The following CTSC variants were observed in gnomAD, a reference collection of about 807,000 sequenced individuals.
The protein encoded by CTSC is cathepsin C.
Under a neutral mutation model 40.9 loss-of-function variants are expected in CTSC, and 37 were observed. That is an observed-to-expected ratio of 0.91 (90% CI 0.70 to 1.19). The LOEUF (loss-of-function observed/expected upper bound fraction) is 1.19, where lower values mean the gene tolerates loss of function less well. Ranked by LOEUF, CTSC falls within the 50% of genes most tolerant of loss-of-function variation. The probability of loss-of-function intolerance (pLI) is 0.00; values close to 1 mark genes in which losing one functional copy is unlikely to be tolerated. For synonymous variants in CTSC, 232 were observed against 207.4 expected, an observed-to-expected ratio of 1.12 and a Z score of -1.02; for missense variants, 594 against 567.3, an observed-to-expected ratio of 1.05 and a Z score of -0.48.
At chr11:88,301,059 T>C (rs925098653) in intron 4 of CTSC, among the ~76,000 whole-genome samples, 2 of 152,020 alleles carry the variant, frequency 1.3e-5, no homozygotes, top group East Asian at 1.9e-4. Flanking sequence ...GACACATTGG[T>C]AGTGAGGTGG....
chr11:88,329,460 A>C (rs1405897552), intron 2 of CTSC, among the ~76,000 whole-genome samples: 8 of 20,618 alleles, frequency 3.9e-4, no homozygotes, highest in Admixed American at 1.1e-3. Flanking sequence ...CATTTCAAAA[A>C]AAAAAAAAAA....
chr11:88,300,819 GTAAA>G (rs1268456184), intron 4 of CTSC, among the ~76,000 whole-genome samples, 174 bp from the exon 5 acceptor site: 1 of 150,476 alleles, frequency 6.6e-6, no homozygotes, highest in Non-Finnish European at 1.5e-5. Context: ...ATGGAGTTGT[GTAAA>G]TGGCTTTCAT....
chr11:88,306,485 G>A (rs1036853452), intron 4 of CTSC, among the ~76,000 whole-genome samples: 11 of 150,538 alleles, frequency 7.3e-5, no homozygotes, highest in Non-Finnish European at 1.6e-4. Context: ...ACAGATACAA[G>A]GAGCTGAACA....
Position 88,337,735 on chromosome 11 carries a change from G to GT in CTSC, c.-64dup, listed in dbSNP as rs746605625. 24 of 1,536,448 alleles carry GT rather than the reference G, an allele frequency of 1.6e-5. No homozygotes were observed. Among genetic ancestry groups the GT allele is most frequent in the Middle Eastern group, 3.3e-4 (2 of 5,972 alleles). ...GGAAGCCGAGCGCTGCGGGCTAGCG[G>GT]TGAGTCCACCACGAGGCGCGCGCCT... is the stretch of plus-strand genomic sequence containing the variant. On this transcript the variant is annotated 5_prime_UTR_variant, in exon 1 of 7. Transcript: ENST00000227266.
At chr11:88,315,168 G>C (rs184266) in intron 2 of CTSC, among the ~76,000 whole-genome samples, 42,829 of 151,794 alleles carry the variant, frequency 0.28, 7,431 homozygotes, top group East Asian at 0.56. Context: ...TCTTCTCCTT[G>C]GTTGCATGCT....
At chr11:88,299,672 A>T (rs1022644464) in intron 5 of CTSC, 1 of 152,162 alleles carries the variant, frequency 6.6e-6, no homozygotes, top group Non-Finnish European at 1.5e-5. Context: ...GGGTACTATA[A>T]ATTTATAATC....
chr11:88,298,221 T>C (rs1366502985), intron 5 of CTSC: 1 of 152,152 alleles, frequency 6.6e-6, no homozygotes, highest in African/African-American at 2.4e-5. Flanking sequence ...TCCTAATTAA[T>C]GTGACCCAGG....
intron 2 of CTSC, chr11:88,322,174 A>C (rs1938034159): frequency 6.6e-6 from 1 of 151,906 alleles, no homozygotes; most frequent in South Asian, 2.1e-4. Context: ...AGATTGAAAA[A>C]ATTTTCTCCC....
rs928307794 is a variant in CTSC at position 88,334,872 on chromosome 11, TA to T, written c.318+64del. 1.6e-4 allele frequency: 188 copies of T among 1,195,230 alleles called. 1 individual carries two copies. Among genetic ancestry groups the T allele is most frequent in the Non-Finnish European group, 2.2e-4 (176 of 800,520 alleles). The allele number at this position is 1,195,230 out of a possible 1,614,324, so 74.0% of individuals were successfully genotyped here. ...TAAAATTAAAATTCTGAGGGTCTACTAATCAGAAGAGGTTTCAGATATCAAA... is the reference window on the plus strand; with the variant it reads ...TAAAATTAAAATTCTGAGGGTCTACTATCAGAAGAGGTTTCAGATATCAAA... On this transcript the variant is annotated intron_variant, in intron 2 of 6. Transcript: ENST00000227266.
chr11:88,325,262 T>C lies in CTSC; in HGVS notation c.318+9675A>G, dbSNP rs185118910. On this transcript the variant is annotated intron_variant, in intron 2 of 6. Transcript: ENST00000227266. ...AAAGCTCTTCTACCAATTTCCAAACTACAAACTGAAGGAGAAGGTAAGTTT... is the reference window on the plus strand; with the variant it reads ...AAAGCTCTTCTACCAATTTCCAAACCACAAACTGAAGGAGAAGGTAAGTTT... The C allele has an allele frequency of 5.8e-4, 567 of 985,404 alleles. 3 individuals are homozygous for C. The African/African-American group carries it at 9.2e-3, about 16-fold the overall frequency. The allele number at this position is 985,404 out of a possible 1,614,324, so 61.0% of individuals were successfully genotyped here.
chr11:88,334,167 A>G (rs923920446), intron 2 of CTSC, among the ~76,000 whole-genome samples: 1 of 152,240 alleles, frequency 6.6e-6, no homozygotes, highest in African/African-American at 2.4e-5. Context: ...TACTCTATGT[A>G]TAATGAGAAA....
intron 2 of CTSC, among the ~76,000 whole-genome samples, chr11:88,313,718 T>A (rs1013797872): frequency 1.3e-5 from 2 of 152,162 alleles, no homozygotes; most frequent in African/African-American, 4.8e-5. Flanking sequence ...CTGACTTAAT[T>A]TAATAGAAAA....
chr11:88,323,897 C>T (rs1057265512), intron 2 of CTSC: 1 of 152,058 alleles, frequency 6.6e-6, no homozygotes, highest in Non-Finnish European at 1.5e-5. Flanking sequence ...ATTCTTCACA[C>T]AATTAGAAGA....
chr11:88,325,599 CTCTA>C, intron 2 of CTSC: 1 of 985,168 alleles, frequency 1.0e-6, no homozygotes, highest in Non-Finnish European at 1.2e-6. Context: ...GATTAATTTT[CTCTA>C]TCTATAAAAT....
intron 2 of CTSC, among the ~76,000 whole-genome samples, chr11:88,317,789 CAGATG>C (rs1050584429): frequency 2.4e-4 from 37 of 152,310 alleles, no homozygotes; most frequent in African/African-American, 7.5e-4. Flanking sequence ...CTGCCTTGCA[CAGATG>C]AGATAATTTA....
At chr11:88,308,506 T>C (rs554076563) in intron 4 of CTSC, among the ~76,000 whole-genome samples, 20 of 151,206 alleles carry the variant, frequency 1.3e-4, no homozygotes, top group African/African-American at 4.6e-4. Flanking sequence ...TCTTACCTTA[T>C]CTTATTTTAT....
At chr11:88,299,730 C>T (rs981429717) in intron 5 of CTSC, 3 of 152,132 alleles carry the variant, frequency 2.0e-5, no homozygotes, top group African/African-American at 7.2e-5. Context: ...AAATACTAAA[C>T]CTATTTTATA....
At chr11:88,332,262 T>G (rs2134822861) in intron 2 of CTSC, among the ~76,000 whole-genome samples, 1 of 152,356 alleles carries the variant, frequency 6.6e-6, no homozygotes, top group South Asian at 2.1e-4. Context: ...TTTCTCTTTT[T>G]ACAAAAATAA....
chr11:88,328,025 TA>T, intron 2 of CTSC: 1 of 861,976 alleles, frequency 1.2e-6, no homozygotes, highest in Admixed American at 1.7e-5. Context: ...CTCTGATGAA[TA>T]AATAGGCATT....
Sources: allele counts gnomAD v4.1 joint callset (sites outside exome capture counted in the v4.1 genomes callset), GRCh38; gene constraint gnomAD v4.1.1; transcripts MANE v1.5; gene names NCBI Gene and HGNC (gene_info 2026-07-23, HGNC 2026-07-21).